The following FHOD3 variants were observed in gnomAD, a reference collection of about 807,000 sequenced individuals.
FHOD3 encodes FH1/FH2 domain-containing protein 3.
Under a neutral mutation model 173.0 loss-of-function variants are expected in FHOD3, and 90 were observed. The ratio of observed to expected loss-of-function variants is 0.52; its 90% CI spans 0.44 to 0.62. FHOD3 has a LOEUF of 0.62. Among genes scored for constraint, FHOD3 ranks in the 20% least tolerant of loss-of-function variants. The pLI is 0.00. For synonymous variants in FHOD3, 828 were observed against 823.0 expected (o/e 1.01, Z -0.10); for missense variants, 1,945 against 2,034.7 (o/e 0.96, Z 0.85).
rs181917442 is a variant in FHOD3 at position 36,499,222 on chromosome 18, G to A, written c.338-2710G>A. ...AGGTTCACGAGATTCTTCTGTCTCA[G>A]CTTCCCAAGTAGCTGGGATTACAGG... On this transcript the variant is annotated intron_variant, in intron 3 of 28. Transcript: ENST00000590592. Among the ~76,000 whole-genome samples the A allele has an allele frequency of 4.6e-5, 7 of 152,270 alleles. No homozygotes were observed. The East Asian group carries it at 1.2e-3, about 25-fold the overall frequency.
intron 2 of FHOD3, among the ~76,000 whole-genome samples, chr18:36,370,849 G>A (rs2047148944): frequency 6.6e-6 from 1 of 152,178 alleles, no homozygotes; most frequent in South Asian, 2.1e-4. Context: ...CCTAGCTGCT[G>A]TCCCCGCTAC....
At chr18:36,767,567 G>A (rs577532431) in intron 27 of FHOD3, among the ~76,000 whole-genome samples, 1 of 152,186 alleles carries the variant, frequency 6.6e-6, no homozygotes, top group East Asian at 1.9e-4. Context: ...CGATCTGCCC[G>A]CCTCAGCCTC....
intron 2 of FHOD3, among the ~76,000 whole-genome samples, chr18:36,364,805 G>A (rs901323661): frequency 5.3e-5 from 8 of 152,176 alleles, no homozygotes; most frequent in Admixed American, 2.6e-4. Context: ...AAGAATGGGC[G>A]GTTGAGGACA....
chr18:36,458,741 A>G (rs977726177), intron 3 of FHOD3, among the ~76,000 whole-genome samples: 1 of 141,010 alleles, frequency 7.1e-6, no homozygotes, highest in Admixed American at 7.9e-5. Flanking sequence ...CTGTTGAACC[A>G]TCGGGGTGAC....
At chr18:36,343,723 C>T (rs1445429520) in intron 1 of FHOD3, among the ~76,000 whole-genome samples, 2 of 152,164 alleles carry the variant, frequency 1.3e-5, no homozygotes, top group Admixed American at 1.3e-4. Context: ...TCACCAGATG[C>T]CCAGTCTTCC....
chr18:36,375,641 T>C (rs1288774977), intron 3 of FHOD3, among the ~76,000 whole-genome samples: 1 of 152,212 alleles, frequency 6.6e-6, no homozygotes, highest in African/African-American at 2.4e-5. Flanking sequence ...TCCAGCACCC[T>C]TTGGGATGAG....
At chr18:36,770,244 G>T (rs1351562035) in intron 28 of FHOD3, among the ~76,000 whole-genome samples, 1 of 152,228 alleles carries the variant, frequency 6.6e-6, no homozygotes, top group Non-Finnish European at 1.5e-5. Context: ...GAGAATAAGG[G>T]TTAGTGACAA....
At chr18:36,421,175 G>A (rs1312807341) in intron 3 of FHOD3, among the ~76,000 whole-genome samples, 2 of 152,170 alleles carry the variant, frequency 1.3e-5, no homozygotes, top group African/African-American at 4.8e-5. Flanking sequence ...TCCTGGGCAT[G>A]TTTCAAAAAC....
intron 4 of FHOD3, among the ~76,000 whole-genome samples, chr18:36,506,935 T>G (rs538904606): frequency 5.9e-5 from 9 of 152,298 alleles, no homozygotes; most frequent in African/African-American, 2.2e-4. Context: ...CTTTTGATGT[T>G]TATTCTCTCC....
At chr18:36,761,983 A>G (rs1255391879) in intron 27 of FHOD3, among the ~76,000 whole-genome samples, 1 of 151,964 alleles carries the variant, frequency 6.6e-6, no homozygotes, top group African/African-American at 2.4e-5. Context: ...ACAGATGAAT[A>G]TTGCGCCCAC....
chr18:36,519,955 AT>A (rs11449846), intron 5 of FHOD3, among the ~76,000 whole-genome samples: 22 of 132,062 alleles, frequency 1.7e-4, no homozygotes, highest in Middle Eastern at 3.8e-3. Flanking sequence ...CTTTTCTTTC[AT>A]TTTTTTTTTT....
chr18:36,729,690 C>T (rs1220950852), intron 19 of FHOD3, among the ~76,000 whole-genome samples: 1 of 152,224 alleles, frequency 6.6e-6, no homozygotes, highest in Admixed American at 6.5e-5. Context: ...ATCCCACCCT[C>T]GTGACCTCAT....
intron 3 of FHOD3, among the ~76,000 whole-genome samples, chr18:36,486,793 T>C (rs1297414359): frequency 6.6e-6 from 1 of 152,236 alleles, no homozygotes; most frequent in African/African-American, 2.4e-5. Flanking sequence ...GTTTCCTTCA[T>C]GTATTTTCCC....
chr18:36,345,953 T>A (rs2045860867), intron 1 of FHOD3, among the ~76,000 whole-genome samples: 1 of 152,226 alleles, frequency 6.6e-6, no homozygotes, highest in Admixed American at 6.5e-5. Flanking sequence ...AGTAAGCAGT[T>A]ATCTTTCGGC....
At chr18:36,572,279 A>G (rs1396816305) in intron 5 of FHOD3, among the ~76,000 whole-genome samples, 1 of 152,154 alleles carries the variant, frequency 6.6e-6, no homozygotes, top group Non-Finnish European at 1.5e-5. Context: ...TGAAAACACA[A>G]ATCATGAATT....
chr18:36,708,249 C>T (rs2039990053), intron 17 of FHOD3, among the ~76,000 whole-genome samples: 1 of 152,110 alleles, frequency 6.6e-6, no homozygotes. Context: ...TTCCAAACTG[C>T]TTTCAAAATC....
intron 16 of FHOD3, chr18:36,692,887 G>T: frequency 3.1e-6 from 1 of 320,670 alleles, no homozygotes; most frequent in Non-Finnish European, 5.9e-6. Flanking sequence ...AGGCTTTTTG[G>T]TGGTGGTTAT....
At chr18:36,676,089 T>C (rs551192087) in intron 14 of FHOD3, among the ~76,000 whole-genome samples, 2 of 152,332 alleles carry the variant, frequency 1.3e-5, no homozygotes, top group Admixed American at 1.3e-4. Context: ...TAGAAAGTTA[T>C]AGAGCAATAA....
chr18:36,614,383 T>A (rs1398809412), intron 9 of FHOD3, among the ~76,000 whole-genome samples: 1 of 152,242 alleles, frequency 6.6e-6, no homozygotes, highest in African/African-American at 2.4e-5. Context: ...CCATATTTTG[T>A]TTATCCATTT....
Sources: allele counts gnomAD v4.1 joint callset (sites outside exome capture counted in the v4.1 genomes callset), GRCh38; gene constraint gnomAD v4.1.1; transcripts MANE v1.5; gene names NCBI Gene and HGNC (gene_info 2026-07-23, HGNC 2026-07-21).